Variants in COG3 observed in about 807,000 individuals in gnomAD.
COG3 encodes the protein conserved oligomeric Golgi complex subunit 3.
COG3 carries 32 observed loss-of-function variants against 114.1 expected under a neutral mutation model. The observed-to-expected ratio is 0.28, with a 90% CI of 0.21 to 0.38. The LOEUF is 0.38. Among genes scored for constraint, COG3 ranks in the 10% least tolerant of loss-of-function variants. The pLI is 1.00. For missense variants in COG3, 813 were observed against 973.2 expected (o/e 0.84, Z 2.19); for synonymous variants, 352 against 365.7 (o/e 0.96, Z 0.43).
intron 12 of COG3, among the ~76,000 whole-genome samples, chr13:45,494,285 A>G (rs1868453611): frequency 6.6e-6 from 1 of 150,950 alleles, no homozygotes; most frequent in African/African-American, 2.4e-5. Flanking sequence ...AGATTGCGCC[A>G]TTACACCCCA....
chr13:45,486,404 C>A, intron 7 of COG3, 91 bp from the exon 8 acceptor site: 1 of 772,776 alleles, frequency 1.3e-6, no homozygotes, highest in Non-Finnish European at 2.3e-6. Flanking sequence ...GCAGGCCAAG[C>A]AGTAGCCATA....
At chr13:45,511,389 A>G (rs1001898837) in intron 15 of COG3, among the ~76,000 whole-genome samples, 2 of 152,198 alleles carry the variant, frequency 1.3e-5, no homozygotes, top group African/African-American at 4.8e-5. Context: ...AAGTGGATTT[A>G]CTGAGGGTTT....
intron 12 of COG3, among the ~76,000 whole-genome samples, chr13:45,494,184 G>A (rs1008355920): frequency 1.3e-5 from 2 of 151,928 alleles, no homozygotes; most frequent in Non-Finnish European, 2.9e-5. Context: ...AATTAGCCAG[G>A]CCTGGTGGCA....
intron 19 of COG3, among the ~76,000 whole-genome samples, chr13:45,522,409 TTGTTTATG>T (rs1944336832): frequency 6.6e-6 from 1 of 152,198 alleles, no homozygotes; most frequent in African/African-American, 2.4e-5. Context: ...ATTGGCCTTG[TTGTTTATG>T]TAGCTTCTTC....
At chr13:45,514,709 G>A (rs954068218) in intron 16 of COG3, among the ~76,000 whole-genome samples, 2 of 151,824 alleles carry the variant, frequency 1.3e-5, no homozygotes, top group African/African-American at 2.4e-5. Flanking sequence ...GTGCAGTGGC[G>A]TGATCTTGGC....
intron 12 of COG3, chr13:45,494,018 A>G (rs75660847): frequency 0.027 from 4,057 of 152,380 alleles, 75 homozygotes; most frequent in Non-Finnish European, 0.04. Context: ...AATAGTACCT[A>G]GGTACCTTTA....
At chr13:45,493,525 G>A in intron 12 of COG3, 39 bp downstream of exon 12, 1 of 1,564,238 alleles carries the variant, frequency 6.4e-7, no homozygotes, top group Non-Finnish European at 8.7e-7. Context: ...TTATATCACT[G>A]GCTCAATGAA....
intron 7 of COG3, among the ~76,000 whole-genome samples, chr13:45,483,803 G>A (rs1018296554): frequency 2.0e-5 from 3 of 151,408 alleles, no homozygotes; most frequent in Admixed American, 2.0e-4. Flanking sequence ...CCCTTTTTTT[G>A]TATTTTTCAA....
intron 17 of COG3, among the ~76,000 whole-genome samples, chr13:45,518,274 C>T (rs1157098058): frequency 6.6e-6 from 1 of 152,168 alleles, no homozygotes; most frequent in Non-Finnish European, 1.5e-5. Context: ...TCAATGAGAC[C>T]TCAGCTAATA....
intron 1 of COG3, among the ~76,000 whole-genome samples, chr13:45,473,651 T>C (rs1885666300): frequency 6.6e-6 from 1 of 152,206 alleles, no homozygotes; most frequent in Non-Finnish European, 1.5e-5. Context: ...ATATCAGTAC[T>C]CAAATTTATT....
At chr13:45,484,888 C>G (rs1392371293) in intron 7 of COG3, among the ~76,000 whole-genome samples, 1 of 146,156 alleles carries the variant, frequency 6.8e-6, no homozygotes, top group East Asian at 2.0e-4. Context: ...GTGGACACAG[C>G]ACATGTTTCA....
rs140720644 is a variant in COG3, at chr13:45,509,412, C to T, written c.1595-280C>T. ...CCTATGTTCCATAAAGATTATTGAT[C>T]ACAATTTGGGAAAAGCAACTTGGGT... On this transcript the variant is annotated intron_variant, in intron 14 of 22. Coordinates refer to ENST00000349995, the MANE Select transcript of COG3 (RefSeq NM_031431.4). 3.3e-5 allele frequency among the ~76,000 whole-genome samples: 5 copies of T among 152,248 alleles called. No homozygotes were observed. In the East Asian group the frequency reaches 7.7e-4, roughly 24 times the overall value.
chr13:45,473,111 C>T (rs989606334), intron 1 of COG3, among the ~76,000 whole-genome samples: 6 of 152,172 alleles, frequency 3.9e-5, no homozygotes, highest in African/African-American at 1.4e-4. Context: ...CCTCGTGATC[C>T]TCCCACCTCA....
intron 12 of COG3, among the ~76,000 whole-genome samples, chr13:45,495,930 A>G (rs1405961854): frequency 1.3e-5 from 2 of 152,180 alleles, no homozygotes; most frequent in Non-Finnish European, 2.9e-5. Flanking sequence ...TATTAATAAT[A>G]TAATTAAACA....
At chr13:45,466,213 A>G (rs895259421) in intron 1 of COG3, among the ~76,000 whole-genome samples, 1 of 151,812 alleles carries the variant, frequency 6.6e-6, no homozygotes, top group African/African-American at 2.4e-5. Flanking sequence ...AATTTTTTGT[A>G]TTTTTAGTAG....
At chr13:45,467,973 T>A (rs1291307866) in intron 1 of COG3, among the ~76,000 whole-genome samples, 1 of 152,248 alleles carries the variant, frequency 6.6e-6, no homozygotes, top group Non-Finnish European at 1.5e-5. Context: ...TTCTCTTTTA[T>A]GAAAGAGAAC....
intron 16 of COG3, among the ~76,000 whole-genome samples, chr13:45,513,023 A>G (rs1448918951): frequency 6.6e-6 from 1 of 151,570 alleles, no homozygotes; most frequent in Non-Finnish European, 1.5e-5. Flanking sequence ...AGCATGTTCA[A>G]AAGTGTTGCT....
At chr13:45,529,305 T>A (rs1442073333) in intron 20 of COG3, among the ~76,000 whole-genome samples, 2 of 152,178 alleles carry the variant, frequency 1.3e-5, no homozygotes, top group Non-Finnish European at 1.5e-5. Flanking sequence ...CCCCTTCTGA[T>A]AATACAGTAT....
intron 1 of COG3, among the ~76,000 whole-genome samples, chr13:45,472,032 G>A (rs996216642): frequency 2.0e-5 from 3 of 151,998 alleles, no homozygotes; most frequent in African/African-American, 4.8e-5. Context: ...CACACCTGGC[G>A]CTTTTGTTTG....
Sources: gnomAD v4.1 joint callset for allele counts (sites outside exome capture counted in the v4.1 genomes callset) on GRCh38, gnomAD v4.1.1 for gene constraint, MANE v1.5 for transcripts, NCBI Gene and HGNC (gene_info 2026-07-23, HGNC 2026-07-21) for gene names.